PREX1: variants seen among roughly 807,000 people sequenced by gnomAD.
PREX1 encodes the protein phosphatidylinositol 3,4,5-trisphosphate-dependent Rac exchanger 1 protein.
PREX1 carries 41 observed loss-of-function variants against 198.3 expected under a neutral mutation model. That is an observed-to-expected ratio of 0.21 (90% confidence interval 0.16 to 0.27). The LOEUF is 0.27. Among genes scored for constraint, PREX1 ranks in the 10% least tolerant of loss-of-function variants. The pLI, the probability that PREX1 is intolerant of heterozygous loss-of-function variation, is 1.00. For missense variants in PREX1, 1,620 were observed against 2,200.7 expected (o/e 0.74, Z 5.28); for synonymous variants, 843 against 887.2 (o/e 0.95, Z 0.89).
rs2089642883 is a variant in PREX1 at position 48,666,665 on chromosome 20, A to G, written c.1666-310T>C. ...CTCAGCCTCCCGAGTAGCTGGGACTACAGGCACCTGCCACCACGCCCGGCT... is the reference window on the plus strand; with the variant it reads ...CTCAGCCTCCCGAGTAGCTGGGACTGCAGGCACCTGCCACCACGCCCGGCT... On this transcript the variant is annotated intron_variant, in intron 14 of 39. Transcript: ENST00000371941. This position sits in a 1 kb window ranked among gnomAD's most constrained non-coding sequence, Gnocchi z 4.3. 6.6e-6 allele frequency among the ~76,000 whole-genome samples: 1 copy of G among 152,106 alleles called. No homozygotes were observed. Among genetic ancestry groups the G allele is most frequent in the African/African-American group, 2.4e-5 (1 of 41,412 alleles).
the PREX1 span, among the ~76,000 whole-genome samples, chr20:48,840,399 C>A: frequency 7.4e-4 from 112 of 150,750 alleles, no homozygotes; most frequent in Non-Finnish European, 1.3e-3. Flanking sequence ...TAGTGCTAGA[C>A]ACTGTTGCTC....
intron 39 of PREX1, 99 bp downstream of exon 39, chr20:48,627,446 CCAT>C: frequency 7.7e-7 from 1 of 1,295,650 alleles, no homozygotes; most frequent in Non-Finnish European, 1.1e-6. Context: ...AGGGGAAGCC[CCAT>C]CTGAGCATTA....
chr20:48,649,450 G>T lies in PREX1; in HGVS notation c.3155C>A (p.Pro1052Gln). Reference sequence around the variant, plus strand: ...TTCCTGACCAAGGGTCCCACTGGCTGGCCCGAAGCTGCCATCATGGAGACC... The same window carrying T: ...TTCCTGACCAAGGGTCCCACTGGCTTGCCCGAAGCTGCCATCATGGAGACC... The part of the protein sequence containing the change: ...GQGLHDGSFG[P>Q]ASGTLGQEDR... Residue 1052 changes from proline (P) to glutamine (Q), a missense_variant, in exon 25 of 40, where the codon CCA (proline) becomes CAA (glutamine). By Grantham distance (76) the Pro-to-Gln change is moderately conservative (BLOSUM62 -1). Transcript: ENST00000371941. 6.2e-7 allele frequency: 1 copy of T among 1,614,192 alleles called. No individual in the cohort carries two copies. The highest frequency in any genetic ancestry group is 8.5e-7 in the Non-Finnish European group (1 of 1,180,024).
At chr20:48,698,566 G>T (rs1253998093) in intron 7 of PREX1, among the ~76,000 whole-genome samples, 2 of 152,164 alleles carry the variant, frequency 1.3e-5, no homozygotes, top group Non-Finnish European at 2.9e-5. Flanking sequence ...ACAGCAGGAC[G>T]TGAGATAGAC....
chr20:48,693,000 C>T (rs1024567487), intron 7 of PREX1, among the ~76,000 whole-genome samples: 2 of 152,178 alleles, frequency 1.3e-5, no homozygotes, highest in African/African-American at 4.8e-5. Context: ...ATCTGGAAAA[C>T]AGGCTAATAG....
the PREX1 span, among the ~76,000 whole-genome samples, chr20:48,858,644 A>G: frequency 6.6e-6 from 1 of 152,198 alleles, no homozygotes; most frequent in Non-Finnish European, 1.5e-5. Context: ...TCCTGTGTTA[A>G]GAGGTGACAG....
At chr20:48,872,994 C>T in the PREX1 span, among the ~76,000 whole-genome samples, 1 of 152,060 alleles carries the variant, frequency 6.6e-6, no homozygotes, top group African/African-American at 2.4e-5. Flanking sequence ...ACACCATGTA[C>T]CAGTCAGCTT....
At chr20:48,797,630 C>T (rs1170183221) in intron 1 of PREX1, among the ~76,000 whole-genome samples, 10 of 152,108 alleles carry the variant, frequency 6.6e-5, no homozygotes, top group East Asian at 1.9e-4. Context: ...AGAAAGAGAA[C>T]GACACCCCCG....
At chr20:48,642,865 C>T (rs2089424692) in intron 27 of PREX1, 1 of 183,506 alleles carries the variant, frequency 5.4e-6, no homozygotes, top group South Asian at 1.8e-4. Flanking sequence ...CACCTGGGGA[C>T]AGTTTGTGCA....
intron 36 of PREX1, among the ~76,000 whole-genome samples, chr20:48,630,242 G>A (rs533273787): frequency 3.3e-5 from 5 of 152,302 alleles, no homozygotes; most frequent in Admixed American, 2.6e-4. Context: ...CCAAGGAGCC[G>A]AACTATCGAG....
rs1038614864 is a variant in PREX1 at position 48,684,790 on chromosome 20, C to G, written c.1335-3455G>C. On this transcript the variant is annotated intron_variant, in intron 10 of 39. Coordinates refer to ENST00000371941, the MANE Select transcript of PREX1 (RefSeq NM_020820.4). The surrounding 1 kb of genome is among the most constrained non-coding windows in gnomAD (Gnocchi z 4.2). ...CCCACTTTAACTGCTGAGGCCACATCTCCTGCCCCTCTGACCACTCAGGCT... is the reference window on the plus strand; with the variant it reads ...CCCACTTTAACTGCTGAGGCCACATGTCCTGCCCCTCTGACCACTCAGGCT... 6.6e-6 allele frequency among the ~76,000 whole-genome samples: 1 copy of G among 152,210 alleles called. No homozygotes were observed. Among genetic ancestry groups the G allele is most frequent in the African/African-American group, 2.4e-5 (1 of 41,446 alleles).
intron 1 of PREX1, among the ~76,000 whole-genome samples, chr20:48,816,513 G>A (rs575558618): frequency 2.6e-5 from 4 of 152,138 alleles, no homozygotes; most frequent in Admixed American, 6.5e-5. Context: ...AGACGCCTGC[G>A]GGGGATAAAG....
chr20:48,730,334 C>T (rs2090029161), intron 4 of PREX1, among the ~76,000 whole-genome samples: 1 of 152,072 alleles, frequency 6.6e-6, no homozygotes, highest in Admixed American at 6.5e-5. Context: ...ACGGAACATT[C>T]TCTAAGGCAA....
chr20:48,676,402 A>G, intron 13 of PREX1, 134 bp from the exon 14 acceptor site: 1 of 786,084 alleles, frequency 1.3e-6, no homozygotes, highest in South Asian at 1.5e-5. Flanking sequence ...CAGGGGTCCG[A>G]GTCTCAGCCC....
chr20:48,697,003 C>CACACA (rs3220639), intron 7 of PREX1, among the ~76,000 whole-genome samples: 1 of 149,082 alleles, frequency 6.7e-6, no homozygotes. Flanking sequence ...CACACACACA[C>CACACA]CCTATTGGGT....
At chr20:48,873,886 T>C in the PREX1 span, among the ~76,000 whole-genome samples, 1 of 152,062 alleles carries the variant, frequency 6.6e-6, no homozygotes, top group African/African-American at 2.4e-5. Context: ...GAGAAAGCTA[T>C]TTTGCCCCCT....
In PREX1 at chr20:48,742,278, G is replaced by A. The variant is rs972611967; in HGVS notation, c.414+2747C>T. 6.6e-5 allele frequency among the ~76,000 whole-genome samples: 10 copies of A among 152,308 alleles called. No individual in the cohort carries two copies. The South Asian group carries it at 1.5e-3, about 22-fold the overall frequency. On this transcript the variant is annotated intron_variant, in intron 3 of 39. Transcript: ENST00000371941. The stretch of plus-strand genomic sequence containing the variant: ...GAGGTGCCAGAAAGCGCTGGATCAC[G>A]TGAACAGATGCGCACATTACCCAAG...
upstream of PREX1, among the ~76,000 whole-genome samples, chr20:48,828,991 C>T (rs1357409566): frequency 6.6e-6 from 1 of 152,198 alleles, no homozygotes; most frequent in African/African-American, 2.4e-5. Context: ...GGCCGGGTGG[C>T]CTTGGGCTGG....
chr20:48,727,539 G>A (rs145719428), intron 4 of PREX1, among the ~76,000 whole-genome samples: 124 of 152,026 alleles, frequency 8.2e-4, no homozygotes, highest in African/African-American at 2.8e-3. Context: ...AGGCCTCTAG[G>A]GCTCCCAACC....
Sources: allele counts gnomAD v4.1 joint callset (sites outside exome capture counted in the v4.1 genomes callset), GRCh38; gene constraint gnomAD v4.1.1; non-coding constraint Gnocchi (gnomAD v3.1); transcripts MANE v1.5; gene names NCBI Gene and HGNC (gene_info 2026-07-23, HGNC 2026-07-21).